SLC24A2: variants seen among roughly 807,000 people sequenced by gnomAD.
SLC24A2 encodes sodium/potassium/calcium exchanger 2.
In SLC24A2, 36 loss-of-function variants were observed where a neutral mutation model predicts 62.0. The observed-to-expected ratio is 0.58, with a 90% confidence interval of 0.44 to 0.77. The LOEUF is 0.77. Among genes scored for constraint, SLC24A2 ranks in the 30% least tolerant of loss-of-function variants. The probability of loss-of-function intolerance (pLI) is 0.00; values close to 1 mark genes in which losing one functional copy is unlikely to be tolerated. For synonymous variants in SLC24A2, 358 were observed against 294.0 expected, an observed-to-expected ratio of 1.22 and a Z score of -2.23; for missense variants, 846 against 817.9, an observed-to-expected ratio of 1.03 and a Z score of -0.42.
chr9:19,960,287 T>G, the SLC24A2 span, among the ~76,000 whole-genome samples: 2 of 152,312 alleles, frequency 1.3e-5, no homozygotes, highest in East Asian at 3.9e-4. Context: ...CGCATGATAT[T>G]TTCCATTCTG....
the SLC24A2 span, among the ~76,000 whole-genome samples, chr9:20,200,817 T>G: frequency 2.0e-5 from 3 of 152,196 alleles, no homozygotes; most frequent in South Asian, 6.2e-4. Flanking sequence ...TTGATTGGAT[T>G]TTTGGAAGCA....
chr9:19,773,749 AAACCAACATCAGTC>A (rs1202114004), intron 2 of SLC24A2, among the ~76,000 whole-genome samples: 2 of 152,242 alleles, frequency 1.3e-5, no homozygotes, highest in Non-Finnish European at 2.9e-5. Flanking sequence ...AGATGCTGGC[AAACCAACATCAGTC>A]ACAGGTATGA....
intron 2 of SLC24A2, among the ~76,000 whole-genome samples, chr9:19,740,781 T>A (rs1821650641): frequency 6.6e-6 from 1 of 152,010 alleles, no homozygotes; most frequent in African/African-American, 2.4e-5. Context: ...ATGCTTACAA[T>A]TGTTATTGCT....
the SLC24A2 span, among the ~76,000 whole-genome samples, chr9:20,186,183 A>G: frequency 2.6e-5 from 4 of 152,248 alleles, no homozygotes; most frequent in South Asian, 8.3e-4. Flanking sequence ...ATGGCCCCTG[A>G]TCATTTGACC....
At chr9:19,968,436 A>C in the SLC24A2 span, among the ~76,000 whole-genome samples, 1 of 152,202 alleles carries the variant, frequency 6.6e-6, no homozygotes, top group African/African-American at 2.4e-5. Context: ...CTGTATTACA[A>C]TTTCCATTTT....
the SLC24A2 span, among the ~76,000 whole-genome samples, chr9:20,105,602 G>T: frequency 6.6e-6 from 1 of 151,790 alleles, no homozygotes; most frequent in Non-Finnish European, 1.5e-5. Flanking sequence ...ATGACTACTG[G>T]GTACATAATG....
chr9:20,167,617 G>A, the SLC24A2 span, among the ~76,000 whole-genome samples: 2 of 152,024 alleles, frequency 1.3e-5, no homozygotes, highest in Admixed American at 1.3e-4. Flanking sequence ...TTGGACAAAT[G>A]ATTGATTCCA....
At chr9:20,099,980 C>G in the SLC24A2 span, among the ~76,000 whole-genome samples, 7 of 152,018 alleles carry the variant, frequency 4.6e-5, no homozygotes, top group East Asian at 1.9e-4. Context: ...TTATTACTCT[C>G]TCTTATTATG....
chr9:19,638,289 C>G (rs1361784285), intron 2 of SLC24A2, among the ~76,000 whole-genome samples: 1 of 152,172 alleles, frequency 6.6e-6, no homozygotes, highest in Non-Finnish European at 1.5e-5. Flanking sequence ...AGGTTATTTT[C>G]CTCCATTTGA....
At chr9:19,883,197 A>G in the SLC24A2 span, among the ~76,000 whole-genome samples, 1 of 152,212 alleles carries the variant, frequency 6.6e-6, no homozygotes, top group African/African-American at 2.4e-5. Context: ...TGCACCAGGC[A>G]AATGTCTCTA....
chr9:19,664,891 C>T (rs995893238), intron 2 of SLC24A2, among the ~76,000 whole-genome samples: 2 of 152,156 alleles, frequency 1.3e-5, no homozygotes, highest in African/African-American at 4.8e-5. Context: ...TCTGCCAATA[C>T]CTTGATGTCA....
At chr9:19,957,683 T>G in the SLC24A2 span, 1 of 152,354 alleles carries the variant, frequency 6.6e-6, no homozygotes, top group African/African-American at 2.4e-5. Flanking sequence ...AAACTGGACT[T>G]TGCTGGAATT....
At chr9:19,589,671 A>C (rs1417467328) in intron 5 of SLC24A2, among the ~76,000 whole-genome samples, 1 of 152,164 alleles carries the variant, frequency 6.6e-6, no homozygotes, top group East Asian at 1.9e-4. Context: ...AACCATATTA[A>C]TAAAGACTTT....
At chr9:19,761,467 T>TTTTTATTTTATTTTATTTTA (rs144919709) in intron 2 of SLC24A2, among the ~76,000 whole-genome samples, 3 of 150,194 alleles carry the variant, frequency 2.0e-5, no homozygotes, top group African/African-American at 7.3e-5. Context: ...TTTTTTAATT[T>TTTTTATTTTATTTTATTTTA]TTTTATTTTA....
At chr9:19,943,649 T>A in the SLC24A2 span, among the ~76,000 whole-genome samples, 3 of 152,226 alleles carry the variant, frequency 2.0e-5, no homozygotes, top group African/African-American at 7.2e-5. Context: ...TTGCAGCTAA[T>A]GTTCTGCTAA....
intron 5 of SLC24A2, among the ~76,000 whole-genome samples, chr9:19,595,238 AGC>A (rs1836673613): frequency 6.6e-6 from 1 of 152,224 alleles, no homozygotes; most frequent in Non-Finnish European, 1.5e-5. Flanking sequence ...TTAACTCAGA[AGC>A]TCTCCCACTT....
At chr9:19,775,577 A>G (rs915622915) in intron 2 of SLC24A2, among the ~76,000 whole-genome samples, 1 of 152,178 alleles carries the variant, frequency 6.6e-6, no homozygotes, top group African/African-American at 2.4e-5. Flanking sequence ...AAATGGCTGA[A>G]AGAGTCCCAG....
the SLC24A2 span, among the ~76,000 whole-genome samples, chr9:19,858,792 A>T: frequency 1.1e-4 from 16 of 152,218 alleles, no homozygotes; most frequent in Non-Finnish European, 1.5e-5. Context: ...AATCAAAACC[A>T]CAATGAGAGA....
chr9:20,267,761 G>A, the SLC24A2 span, among the ~76,000 whole-genome samples: 10 of 152,174 alleles, frequency 6.6e-5, no homozygotes, highest in African/African-American at 2.4e-4. Flanking sequence ...AAGTTGCCAA[G>A]AGGAAACACA....
Sources: gnomAD v4.1 joint callset for allele counts (sites outside exome capture counted in the v4.1 genomes callset) on GRCh38, gnomAD v4.1.1 for gene constraint, MANE v1.5 for transcripts, NCBI Gene and HGNC (gene_info 2026-07-23, HGNC 2026-07-21) for gene names.